DDX27: variants seen among roughly 807,000 people sequenced by gnomAD.
The protein encoded by DDX27 is DEAD-box helicase 27.
A neutral mutation model predicts 99.3 loss-of-function variants in DDX27; 42 were observed. The observed-to-expected ratio is 0.42, with a 90% CI of 0.33 to 0.55. The LOEUF is 0.55. Among genes scored for constraint, DDX27 ranks in the 20% least tolerant of loss-of-function variants. DDX27 has a pLI of 0.07. For synonymous variants in DDX27, 329 were observed against 353.8 expected (o/e 0.93, Z 0.79); for missense variants, 798 against 976.8 (o/e 0.82, Z 2.44).
At position 49,242,071 on chromosome 20, in the gene DDX27, C is replaced by A; in HGVS notation, c.1993-12C>A. 6.2e-7 allele frequency: 1 copy of A among 1,614,242 alleles called. No individual in the cohort carries two copies. Among genetic ancestry groups the A allele is most frequent in the Non-Finnish European group, 8.5e-7 (1 of 1,180,048 alleles). On this transcript the variant is annotated splice_polypyrimidine_tract_variant and intron_variant, in intron 17 of 20. Coordinates refer to ENST00000618172, the MANE Select transcript of DDX27 (RefSeq NM_017895.8). ...GGTGTGTTCCACACTCACACCTCCC[C>A]ACTCCCCCTAGGCAGAGGAAAGGTC...
At chr20:49,239,547 C>T (rs79369570) in intron 16 of DDX27, among the ~76,000 whole-genome samples, 5,515 of 152,234 alleles carry the variant, frequency 0.036, 155 homozygotes, top group Non-Finnish European at 0.054. Context: ...CCCTCGCATG[C>T]GCACTTCACA....
chr20:49,233,433 G>T, intron 10 of DDX27, 28 bp downstream of exon 10: 1 of 1,611,224 alleles, frequency 6.2e-7, no homozygotes, highest in African/African-American at 1.3e-5. Flanking sequence ...TCTGTGGCGG[G>T]TGGCAGGTGT....
rs1450419491 is a variant in DDX27 at position 49,233,554 on chromosome 20, T to G, written c.1132-14T>G. On this transcript the variant is annotated splice_polypyrimidine_tract_variant and intron_variant, in intron 10 of 20. Coordinates refer to ENST00000618172, the MANE Select transcript of DDX27 (RefSeq NM_017895.8). ...TTGCAGAGAGCTGAGGAAACCTGGC[T>G]TTGTGCTTGGCAGGTGAAAGATCTG... 2 of 1,609,182 alleles carry G rather than the reference T, an allele frequency of 1.2e-6. No homozygotes were observed. The highest frequency in any genetic ancestry group is 1.7e-6 in the Non-Finnish European group (2 of 1,176,264).
At chr20:49,242,714 A>AT (rs768487723) in intron 19 of DDX27, 33 bp downstream of exon 19, 2 of 1,360,726 alleles carry the variant, frequency 1.5e-6, no homozygotes, top group Admixed American at 2.2e-5. Flanking sequence ...AGCCCTTGGT[A>AT]TTCTTTTTTT....
chr20:49,230,425 G>C, intron 9 of DDX27, 76 bp downstream of exon 9: 1 of 1,503,556 alleles, frequency 6.7e-7, no homozygotes. Flanking sequence ...CTGCCACACT[G>C]CGTTATTCTT....
At chr20:49,220,590 C>T (rs1040337910) in intron 1 of DDX27, among the ~76,000 whole-genome samples, 3 of 152,082 alleles carry the variant, frequency 2.0e-5, no homozygotes, top group African/African-American at 7.2e-5. Context: ...TACACTGTCG[C>T]CATTTCCCCG....
rs181310817 is a variant in DDX27, at chr20:49,242,110, C to T, written c.2020C>T (p.Leu674Phe). Reference protein sequence around the residue: ...TAEERSQFEILKAQMFAERLA... With the variant: ...TAEERSQFEIFKAQMFAERLA... ...AGAGGAAAGGTCTCAGTTTGAAATC[C>T]TCAAGGCGCAGATGTTTGCTGAACG... is the stretch of plus-strand genomic sequence containing the variant. Residue 674 changes from leucine (L) to phenylalanine (F), a missense_variant, in exon 18 of 21, where the codon CTC becomes TTC. Leu to Phe is a conservative substitution (Grantham distance 22). This residue lies in a region of DDX27 where 553 missense variants were observed against 727.9 expected (regional missense o/e 0.76). Transcript: ENST00000618172. 6 of 1,614,216 alleles carry T rather than the reference C, an allele frequency of 3.7e-6. No homozygotes were observed. The East Asian group carries it at 1.3e-4, about 36-fold the overall frequency.
chr20:49,225,206 G>C lies in DDX27; in HGVS notation c.600+7G>C. On this transcript the variant is annotated splice_region_variant and intron_variant, in intron 6 of 20. Coordinates refer to ENST00000618172, the MANE Select transcript of DDX27 (RefSeq NM_017895.8). ...TTCCCGCCCTCTTCTGAAGGTAGCAGCTTCTTGTCAAAAATTTTCTTTGTA... is the reference window on the plus strand; with the variant it reads ...TTCCCGCCCTCTTCTGAAGGTAGCACCTTCTTGTCAAAAATTTTCTTTGTA... 1 of 1,612,554 alleles carries C rather than the reference G, an allele frequency of 6.2e-7. No individual in the cohort carries two copies. Among genetic ancestry groups the C allele is most frequent in the Non-Finnish European group, 8.5e-7 (1 of 1,178,668 alleles).
chr20:49,237,649 G>C (rs1162576309), intron 14 of DDX27, among the ~76,000 whole-genome samples: 1 of 152,186 alleles, frequency 6.6e-6, no homozygotes, highest in Non-Finnish European at 1.5e-5. Flanking sequence ...ATTGAGAACA[G>C]CAGGAGGAGA....
intron 14 of DDX27, chr20:49,238,660 G>A (rs1476462640): frequency 2.6e-6 from 1 of 378,112 alleles, no homozygotes; most frequent in Middle Eastern, 7.9e-4. Context: ...TAGAGACGGG[G>A]TTTCACAGCA....
chr20:49,228,815 G>A lies in DDX27; in HGVS notation c.807G>A (p.Glu269=), dbSNP rs2146711595. The A allele has an allele frequency of 1.9e-6, 3 of 1,613,130 alleles. No homozygotes were observed. Among genetic ancestry groups the A allele is most frequent in the Non-Finnish European group, 2.5e-6 (3 of 1,179,462 alleles). ...TRVLVLVPTR[E]LGIQVHSVTR... ...TGCTGGTGCTAGTGCCCACCCGAGAGCTGGGCATCCAGGTGCACTCTGTCA... is the reference window on the plus strand; with the variant it reads ...TGCTGGTGCTAGTGCCCACCCGAGAACTGGGCATCCAGGTGCACTCTGTCA... Residue 269 remains glutamate (E), a synonymous_variant, in exon 8 of 21, where the codon GAG becomes GAA. Coordinates refer to ENST00000618172, the MANE Select transcript of DDX27 (RefSeq NM_017895.8).
In DDX27 at chr20:49,221,481, AG is replaced by A; in HGVS notation, c.124del (p.Ala42LeufsTer33). 6.2e-7 allele frequency: 1 copy of A among 1,613,680 alleles called. No individual in the cohort carries two copies. The highest frequency in any genetic ancestry group is 8.5e-7 in the Non-Finnish European group (1 of 1,179,976). On this transcript the variant is annotated frameshift_variant, in exon 2 of 21. Transcript: ENST00000618172. LOFTEE classifies it high-confidence loss of function. The part of the protein sequence containing the change: ...GPIVLGRRQK[A>X]LGKNRSADFN... Reference sequence around the variant, plus strand: ...CCATTGTGCTGGGCAGACGACAAAAAGCTTTGGGGAAGAACCGCAGTGCTGA... The same window carrying A: ...CCATTGTGCTGGGCAGACGACAAAAACTTTGGGGAAGAACCGCAGTGCTGA...
Position 49,236,551 on chromosome 20 carries a change from G to A in DDX27, c.1687+41G>A. ...TGTGGCAGTGCAGAATGGCTCGGTG[G>A]GCGGGGCAAGGACAGAGTGTAATGG... On this transcript the variant is annotated intron_variant, in intron 14 of 20. Transcript: ENST00000618172. The surrounding 1 kb of genome is among the most constrained non-coding windows in gnomAD (Gnocchi z 4.1). The A allele has an allele frequency of 6.6e-7, 1 of 1,511,812 alleles. No homozygotes were observed. Among genetic ancestry groups the A allele is most frequent in the Non-Finnish European group, 8.9e-7 (1 of 1,128,448 alleles). 93.6% of individuals were successfully genotyped at this position (1,511,812 alleles called of 1,614,324 possible).
chr20:49,228,847 A>G lies in DDX27; in HGVS notation c.839A>G (p.Gln280Arg). ...LGIQVHSVTRQLAQFCNITTC... is the reference protein window; with the variant it reads ...LGIQVHSVTRRLAQFCNITTC... ...ATCCAGGTGCACTCTGTCACCAGAC[A>G]GCTGGCCCAGTTCTGCAACATCACC... is the stretch of plus-strand genomic sequence containing the variant. The change falls in exon 8 of 21, where the codon CAG (glutamine) becomes CGG (arginine). Residue 280 changes from glutamine to arginine, a missense_variant. Transcript: ENST00000618172. 2.5e-6 allele frequency: 4 copies of G among 1,609,414 alleles called. No individual in the cohort carries two copies. The highest frequency in any genetic ancestry group is 3.4e-6 in the Non-Finnish European group (4 of 1,176,858).
chr20:49,235,136 G>C, intron 12 of DDX27, 48 bp downstream of exon 12: 1 of 1,538,668 alleles, frequency 6.5e-7, no homozygotes, highest in Non-Finnish European at 8.7e-7. Flanking sequence ...TTCTGGGGCA[G>C]AGAGGATAGA....
chr20:49,241,557 C>A (rs1447847130), intron 16 of DDX27, among the ~76,000 whole-genome samples: 1 of 151,844 alleles, frequency 6.6e-6, no homozygotes, highest in Non-Finnish European at 1.5e-5. Context: ...ACTGCAGCCT[C>A]CCCTTCCTAA....
Position 49,241,924 on chromosome 20 carries a change from C to T in DDX27, c.1929C>T (p.Ala643=), listed in dbSNP as rs1158284701. The T allele has an allele frequency of 6.2e-7, 1 of 1,613,994 alleles. No individual in the cohort carries two copies. The highest frequency in any genetic ancestry group is 1.7e-5 in the Admixed American group (1 of 59,996). The part of the protein sequence containing the change: ...IAKALQEFDL[A]LRGKKKRKKF... Reference sequence around the variant, plus strand: ...AAGCTCTGCAGGAATTTGACTTGGCCTTAAGAGGAAAGAAGAAAAGGAAGA... The same window carrying T: ...AAGCTCTGCAGGAATTTGACTTGGCTTTAAGAGGAAAGAAGAAAAGGAAGA... The change falls in exon 17 of 21, where the codon GCC becomes GCT. Residue 643 remains alanine (A), a synonymous_variant. Transcript: ENST00000618172.
At chr20:49,243,526 C>A in intron 19 of DDX27, 103 bp from the exon 20 acceptor site, 1 of 993,678 alleles carries the variant, frequency 1.0e-6, no homozygotes, top group Non-Finnish European at 1.6e-6. Flanking sequence ...TGATGCATCC[C>A]AGAGATGCTA....
At chr20:49,237,320 C>G (rs944039926) in intron 14 of DDX27, among the ~76,000 whole-genome samples, 1 of 152,092 alleles carries the variant, frequency 6.6e-6, no homozygotes, top group African/African-American at 2.4e-5. Flanking sequence ...AAGTGCAAGA[C>G]CCTGTCTCTA....
Sources: allele counts gnomAD v4.1 joint callset (sites outside exome capture counted in the v4.1 genomes callset), GRCh38; gene constraint gnomAD v4.1.1; regional missense constraint gnomAD v4.1.1; non-coding constraint Gnocchi (gnomAD v3.1); transcripts MANE v1.5; gene names NCBI Gene and HGNC (gene_info 2026-07-23, HGNC 2026-07-21).